CSGALNACT1: variants seen among roughly 807,000 people sequenced by gnomAD.
CSGALNACT1 encodes chondroitin sulfate N-acetylgalactosaminyltransferase 1.
CSGALNACT1 carries 52 observed loss-of-function variants against 51.0 expected under a neutral mutation model. The observed-to-expected ratio is 1.02, with a 90% CI of 0.82 to 1.29. CSGALNACT1 has a LOEUF of 1.29. Among genes scored for constraint, CSGALNACT1 ranks in the 50% most tolerant of loss-of-function variants. CSGALNACT1 has a pLI of 0.00. For missense variants in CSGALNACT1, 935 were observed against 679.2 expected, an observed-to-expected ratio of 1.38 and a Z score of -4.19; for synonymous variants, 341 against 254.4, an observed-to-expected ratio of 1.34 and a Z score of -3.24.
At chr8:19,508,516 T>A (rs1473260029) in intron 3 of CSGALNACT1, among the ~76,000 whole-genome samples, 1 of 152,238 alleles carries the variant, frequency 6.6e-6, no homozygotes, top group African/African-American at 2.4e-5. Context: ...ATTACTGTAA[T>A]TCTGTGATTG....
At chr8:19,591,769 T>A (rs1021964103) in intron 2 of CSGALNACT1, among the ~76,000 whole-genome samples, 18 of 151,916 alleles carry the variant, frequency 1.2e-4, no homozygotes, top group African/African-American at 4.3e-4. Flanking sequence ...CAAAAAAAAA[T>A]GTAAATATAA....
chr8:19,583,987 G>A (rs2046123695), intron 3 of CSGALNACT1, among the ~76,000 whole-genome samples: 4 of 152,170 alleles, frequency 2.6e-5, no homozygotes. Context: ...AGTTGAGATT[G>A]AATAACACAT....
At position 19,433,266 on chromosome 8, in the gene CSGALNACT1, C is replaced by G. The variant is rs550562947; in HGVS notation, c.953+6564G>C. On this transcript the variant is annotated intron_variant, in intron 6 of 9. Coordinates refer to ENST00000454498, the Ensembl canonical transcript of CSGALNACT1. ...ATTGGGATACACCTTCAGCACTCAG[C>G]CAGGCAATCAATGCCTTATTTATCC... Among the ~76,000 whole-genome samples, 90 of 152,282 alleles carry G rather than the reference C, an allele frequency of 5.9e-4. No individual in the cohort carries two copies. The South Asian group carries it at 0.011, about 19-fold the overall frequency.
chr8:19,612,090 C>G (rs938717269), intron 1 of CSGALNACT1, among the ~76,000 whole-genome samples: 30 of 152,122 alleles, frequency 2.0e-4, no homozygotes, highest in Non-Finnish European at 4.4e-5. Context: ...CGCCTATAAT[C>G]CCATCATTTT....
intron 1 of CSGALNACT1, among the ~76,000 whole-genome samples, chr8:19,677,977 G>A (rs548734117): frequency 3.3e-5 from 5 of 152,180 alleles, no homozygotes; most frequent in Admixed American, 6.5e-5. Flanking sequence ...TTAGCTGGAT[G>A]TGGTGGTGGG....
At chr8:19,458,014 C>T (rs768120634) in intron 5 of CSGALNACT1, among the ~76,000 whole-genome samples, 1 of 152,190 alleles carries the variant, frequency 6.6e-6, no homozygotes, top group Non-Finnish European at 1.5e-5. Flanking sequence ...GAACACCTTG[C>T]ATAGCTCGCC....
At chr8:19,750,460 C>G (rs191861973) in intron 1 of CSGALNACT1, among the ~76,000 whole-genome samples, 1 of 152,168 alleles carries the variant, frequency 6.6e-6, no homozygotes, top group Non-Finnish European at 1.5e-5. Flanking sequence ...TGAGAGGAGA[C>G]AGATGAGAAG....
rs142783674 is a variant in CSGALNACT1 at position 19,488,668 on chromosome 8, A to G, written c.634+16533T>C. Reference sequence around the variant, plus strand: ...ATTTCCACCAACAAATAACAAAAGCAGTAATAATTACTAACATTTTATTGG... The same window carrying G: ...ATTTCCACCAACAAATAACAAAAGCGGTAATAATTACTAACATTTTATTGG... On this transcript the variant is annotated intron_variant, in intron 4 of 9. Transcript: ENST00000454498. Among the ~76,000 whole-genome samples, 349 of 152,256 alleles carry G rather than the reference A, an allele frequency of 2.3e-3. 2 individuals carry two copies. Among genetic ancestry groups the G allele is most frequent in the African/African-American group, 7.9e-3 (330 of 41,566 alleles).
At chr8:19,601,368 T>A (rs1588940409) in intron 2 of CSGALNACT1, among the ~76,000 whole-genome samples, 2 of 152,238 alleles carry the variant, frequency 1.3e-5, no homozygotes, top group African/African-American at 4.8e-5. Context: ...ACCTATTTGA[T>A]GACAGGGTGA....
chr8:19,634,024 G>A (rs562793606), intron 1 of CSGALNACT1, among the ~76,000 whole-genome samples: 11 of 152,124 alleles, frequency 7.2e-5, no homozygotes, highest in African/African-American at 1.4e-4. Context: ...AAAGGTCTAC[G>A]GAAAACCCAT....
At chr8:19,597,062 C>T (rs2049055000) in intron 2 of CSGALNACT1, among the ~76,000 whole-genome samples, 1 of 152,100 alleles carries the variant, frequency 6.6e-6, no homozygotes, top group African/African-American at 2.4e-5. Flanking sequence ...TGTGACCACT[C>T]TAGGGACCAC....
chr8:19,525,557 C>T (rs370071946), intron 3 of CSGALNACT1, among the ~76,000 whole-genome samples: 4 of 127,146 alleles, frequency 3.1e-5, no homozygotes, highest in Non-Finnish European at 6.3e-5. Context: ...GCAGAGGCTG[C>T]AGTGAGCTGA....
intron 3 of CSGALNACT1, among the ~76,000 whole-genome samples, chr8:19,544,993 C>A (rs2086129892): frequency 6.7e-6 from 1 of 148,972 alleles, no homozygotes; most frequent in Admixed American, 6.7e-5. Context: ...GTCAGTCCAT[C>A]CTTTCAGACA....
At chr8:19,471,606 C>T (rs991673878) in intron 4 of CSGALNACT1, among the ~76,000 whole-genome samples, 4 of 152,086 alleles carry the variant, frequency 2.6e-5, no homozygotes, top group African/African-American at 7.2e-5. Flanking sequence ...GGTTCGACGC[C>T]GGTAACTCAG....
upstream of CSGALNACT1, among the ~76,000 whole-genome samples, chr8:19,607,093 T>C (rs543743238): frequency 7.3e-5 from 11 of 150,660 alleles, no homozygotes; most frequent in Non-Finnish European, 1.6e-4. Context: ...AGGCAGAGTG[T>C]GCAGCGAGCT....
chr8:19,561,263 T>C (rs188718332), intron 3 of CSGALNACT1, among the ~76,000 whole-genome samples: 54 of 152,342 alleles, frequency 3.5e-4, no homozygotes, highest in African/African-American at 1.3e-3. Context: ...AAATTATTCA[T>C]TAACCTCTAC....
At chr8:19,681,037 C>T (rs1589479512) in intron 1 of CSGALNACT1, among the ~76,000 whole-genome samples, 1 of 152,066 alleles carries the variant, frequency 6.6e-6, no homozygotes, top group South Asian at 2.1e-4. Context: ...CAATACTACT[C>T]CATGTTATAC....
exon 10 of CSGALNACT1, chr8:19,406,045 C>T (rs948601223): frequency 1.2e-6 from 2 of 1,614,066 alleles, no homozygotes; most frequent in Non-Finnish European, 1.7e-6. Context: ...TCCGCCCCAG[C>T]CTTTGATGTC....
chr8:19,751,292 G>C (rs2065011916), intron 1 of CSGALNACT1, among the ~76,000 whole-genome samples: 1 of 152,152 alleles, frequency 6.6e-6, no homozygotes, highest in African/African-American at 2.4e-5. Flanking sequence ...CAGATGATAA[G>C]AGTGCACAGT....
Sources: gnomAD v4.1 joint callset for allele counts (sites outside exome capture counted in the v4.1 genomes callset) on GRCh38, gnomAD v4.1.1 for gene constraint, MANE v1.5 for transcripts, NCBI Gene and HGNC (gene_info 2026-07-23, HGNC 2026-07-21) for gene names.